GPC6: variants seen among roughly 807,000 people sequenced by gnomAD.
The protein encoded by GPC6 is glypican-6.
Under a neutral mutation model 55.2 loss-of-function variants are expected in GPC6, and 14 were observed. The ratio of observed to expected loss-of-function variants is 0.25; its 90% CI spans 0.17 to 0.40. GPC6 has a LOEUF of 0.40. GPC6 is among the 10% of genes least tolerant of loss of function. The probability of loss-of-function intolerance (pLI) is 1.00; values close to 1 mark genes in which losing one functional copy is unlikely to be tolerated. For missense variants in GPC6, 641 were observed against 708.5 expected (o/e 0.90, Z 1.08); for synonymous variants, 278 against 259.6 (o/e 1.07, Z -0.68).
chr13:94,335,923 C>A (rs1164318905), intron 6 of GPC6, among the ~76,000 whole-genome samples: 1 of 137,184 alleles, frequency 7.3e-6, no homozygotes, highest in African/African-American at 2.8e-5. Flanking sequence ...TTTTTTCCTT[C>A]TTGTTTGGTC....
At chr13:94,100,925 T>C (rs973761324) in intron 4 of GPC6, among the ~76,000 whole-genome samples, 6 of 152,218 alleles carry the variant, frequency 3.9e-5, no homozygotes, top group Admixed American at 3.3e-4. Context: ...AACGAAGATA[T>C]ACTGGGGGAT....
intron 3 of GPC6, among the ~76,000 whole-genome samples, chr13:93,980,049 T>C (rs1880723533): frequency 6.6e-6 from 1 of 152,170 alleles, no homozygotes; most frequent in African/African-American, 2.4e-5. Flanking sequence ...TCCACTATGC[T>C]AAATGGATTT....
chr13:94,404,977 T>C lies in GPC6; in HGVS notation c.*1760T>C, dbSNP rs922121997. 1 of 152,206 alleles carries C rather than the reference T, an allele frequency of 6.6e-6. No individual in the cohort carries two copies. The highest frequency in any genetic ancestry group is 1.5e-5 in the Non-Finnish European group (1 of 68,030). 9.4% of individuals were successfully genotyped at this position (152,206 alleles called of 1,614,324 possible). ...GGAAAAGTAATGTTTCAAGACACCA[T>C]AGTAGGCCAGTTACATTTTAATTAA... On this transcript the variant is annotated 3_prime_UTR_variant, in exon 9 of 9. Coordinates refer to ENST00000377047, the MANE Select transcript of GPC6 (RefSeq NM_005708.5).
At chr13:94,371,804 G>A (rs996475237) in intron 6 of GPC6, among the ~76,000 whole-genome samples, 12 of 152,106 alleles carry the variant, frequency 7.9e-5, no homozygotes, top group Admixed American at 5.9e-4. Context: ...TGACTATTTT[G>A]CTATTTTCAA....
rs187098961 is a variant in GPC6, at chr13:94,144,755, T to G, written c.877+116861T>G. Among the ~76,000 whole-genome samples the G allele has an allele frequency of 1.1e-4, 16 of 152,212 alleles. No homozygotes were observed. In the East Asian group the frequency reaches 1.7e-3, roughly 17 times the overall value. ...TGTAATTCAGAGTGATCTTTGAGGA[T>G]AGAAAGATAATGCCCAACTGAAGTT... On this transcript the variant is annotated intron_variant, in intron 4 of 8. Coordinates refer to ENST00000377047, the MANE Select transcript of GPC6 (RefSeq NM_005708.5).
chr13:94,391,999 T>C lies in GPC6; in HGVS notation c.1290-6467T>C, dbSNP rs1880667195. Among the ~76,000 whole-genome samples, 3 of 152,262 alleles carry C rather than the reference T, an allele frequency of 2.0e-5. No individual in the cohort carries two copies. In the South Asian group the frequency reaches 6.2e-4, roughly 31 times the overall value. ...TCTTCCTTTCTAAGGCTGAATTATATTTCCACTCTATGTGTATACCATATT... is the reference window on the plus strand; with the variant it reads ...TCTTCCTTTCTAAGGCTGAATTATACTTCCACTCTATGTGTATACCATATT... On this transcript the variant is annotated intron_variant, in intron 7 of 8. Coordinates refer to ENST00000377047, the MANE Select transcript of GPC6 (RefSeq NM_005708.5).
At chr13:93,299,096 T>A (rs944438912) in intron 1 of GPC6, among the ~76,000 whole-genome samples, 1 of 152,118 alleles carries the variant, frequency 6.6e-6, no homozygotes, top group African/African-American at 2.4e-5. Flanking sequence ...TTTCAACATC[T>A]TGTTTCCACT....
At chr13:93,540,378 A>G (rs559360322) in intron 1 of GPC6, among the ~76,000 whole-genome samples, 24 of 152,306 alleles carry the variant, frequency 1.6e-4, no homozygotes, top group South Asian at 6.2e-4. Flanking sequence ...GTATTGGAGT[A>G]TTTCTCTGAA....
chr13:94,018,973 T>C (rs1380631934), intron 3 of GPC6, among the ~76,000 whole-genome samples: 2 of 152,178 alleles, frequency 1.3e-5, no homozygotes, highest in Non-Finnish European at 2.9e-5. Flanking sequence ...AAAAATTGTC[T>C]TCCACGAAAC....
At chr13:93,949,739 T>A (rs543928877) in intron 3 of GPC6, among the ~76,000 whole-genome samples, 46 of 152,284 alleles carry the variant, frequency 3.0e-4, no homozygotes, top group South Asian at 1.5e-3. Context: ...TTTTAAAAAA[T>A]TTTTTTGAGG....
chr13:93,616,313 T>C (rs544067719), intron 2 of GPC6, among the ~76,000 whole-genome samples: 1 of 152,190 alleles, frequency 6.6e-6, no homozygotes, highest in South Asian at 2.1e-4. Flanking sequence ...ACGAATACTT[T>C]AATGGAAATT....
intron 4 of GPC6, among the ~76,000 whole-genome samples, chr13:94,033,522 G>A (rs1456244976): frequency 6.6e-6 from 1 of 152,156 alleles, no homozygotes; most frequent in Non-Finnish European, 1.5e-5. Context: ...AGGAAACTCA[G>A]ATTTTCTTTT....
chr13:93,393,159 G>T (rs892165640), intron 1 of GPC6, among the ~76,000 whole-genome samples: 3 of 135,708 alleles, frequency 2.2e-5, no homozygotes, highest in Non-Finnish European at 1.6e-5. Flanking sequence ...GAGAGAGAGA[G>T]TGAGAGTCTC....
At chr13:94,099,015 T>C (rs901670680) in intron 4 of GPC6, among the ~76,000 whole-genome samples, 5 of 152,102 alleles carry the variant, frequency 3.3e-5, no homozygotes, top group African/African-American at 9.7e-5. Context: ...CAGTAACATA[T>C]ATTTATCCCA....
At chr13:93,779,263 A>G (rs1412660671) in intron 2 of GPC6, among the ~76,000 whole-genome samples, 1 of 152,196 alleles carries the variant, frequency 6.6e-6, no homozygotes, top group Non-Finnish European at 1.5e-5. Flanking sequence ...ACTGGACTGA[A>G]TTCACTGGGC....
intron 1 of GPC6, among the ~76,000 whole-genome samples, chr13:93,319,930 C>T (rs373092615): frequency 6.6e-6 from 1 of 152,010 alleles, no homozygotes; most frequent in African/African-American, 2.4e-5. Context: ...GAAAGAAAAT[C>T]GCAAAACAAT....
At chr13:94,174,638 A>G (rs566239857) in intron 4 of GPC6, among the ~76,000 whole-genome samples, 3 of 152,270 alleles carry the variant, frequency 2.0e-5, no homozygotes, top group East Asian at 3.9e-4. Context: ...ATGACATGCT[A>G]TTTAGCAAAA....
intron 4 of GPC6, among the ~76,000 whole-genome samples, chr13:94,121,291 A>T (rs1270571817): frequency 2.0e-5 from 3 of 152,146 alleles, no homozygotes; most frequent in African/African-American, 4.8e-5. Context: ...GCACAGGAAT[A>T]AAGACGGTTG....
chr13:93,218,864 T>G, the GPC6 span, among the ~76,000 whole-genome samples: 6 of 152,308 alleles, frequency 3.9e-5, no homozygotes, highest in East Asian at 1.2e-3. Flanking sequence ...GGTTGGAGTT[T>G]GAGAACCTAC....
Sources: gnomAD v4.1 joint callset for allele counts (sites outside exome capture counted in the v4.1 genomes callset) on GRCh38, gnomAD v4.1.1 for gene constraint, MANE v1.5 for transcripts, NCBI Gene and HGNC (gene_info 2026-07-23, HGNC 2026-07-21) for gene names.